PFKFB3: variants seen among roughly 807,000 people sequenced by gnomAD.
PFKFB3 encodes 6-phosphofructo-2-kinase/fructose-2,6-bisphosphatase 3.
PFKFB3 carries 33 observed loss-of-function variants against 68.0 expected under a neutral mutation model. The observed-to-expected ratio is 0.49, with a 90% CI of 0.37 to 0.65. The LOEUF (loss-of-function observed/expected upper bound fraction) is 0.65, where lower values mean the gene tolerates loss of function less well. Among genes scored for constraint, PFKFB3 ranks in the 30% least tolerant of loss-of-function variants. The pLI is 0.00. For synonymous variants in PFKFB3, 315 were observed against 288.2 expected, an observed-to-expected ratio of 1.09 and a Z score of -0.94; for missense variants, 586 against 712.2, an observed-to-expected ratio of 0.82 and a Z score of 2.02.
intron 14 of PFKFB3, among the ~76,000 whole-genome samples, chr10:6,253,993 G>A (rs182917778): frequency 2.0e-5 from 3 of 151,946 alleles, no homozygotes; most frequent in Non-Finnish European, 4.4e-5. Flanking sequence ...GCAGTGAGCC[G>A]AGATCGTACC....
rs560979015 is a variant in PFKFB3 at position 6,202,954 on chromosome 10, G to A, written c.-307G>A. 7.9e-6 allele frequency: 10 copies of A among 1,261,898 alleles called. No homozygotes were observed. In the East Asian group the frequency reaches 3.2e-4, roughly 40 times the overall value. 78.2% of individuals were successfully genotyped at this position (1,261,898 alleles called of 1,614,324 possible). On this transcript the variant is annotated 5_prime_UTR_variant, in exon 1 of 15. Transcript: ENST00000379775. Reference sequence around the variant, plus strand: ...CCCAGCCAAGCCGGAGAGGAGGCGAGCAGCAGGGCCTGGTGGCGAGAGCGC... The same window carrying A: ...CCCAGCCAAGCCGGAGAGGAGGCGAACAGCAGGGCCTGGTGGCGAGAGCGC...
downstream of PFKFB3, among the ~76,000 whole-genome samples, chr10:6,256,336 G>A (rs545869289): frequency 6.6e-6 from 1 of 152,294 alleles, no homozygotes; most frequent in African/African-American, 2.4e-5. Flanking sequence ...AGGACTTGGG[G>A]GGTGTAGGTA....
At chr10:6,167,944 C>T (rs1246707215) in intron 1 of PFKFB3, among the ~76,000 whole-genome samples, 1 of 141,180 alleles carries the variant, frequency 7.1e-6, no homozygotes, top group East Asian at 2.0e-4. Flanking sequence ...TTGCTAAGTC[C>T]CTAGGTCGTT....
intron 1 of PFKFB3, among the ~76,000 whole-genome samples, chr10:6,181,079 G>T (rs964499232): frequency 6.6e-6 from 1 of 152,138 alleles, no homozygotes; most frequent in Non-Finnish European, 1.5e-5. Flanking sequence ...CAGTGGTGCA[G>T]TCATAGTACA....
chr10:6,156,616 C>T lies in PFKFB3; in HGVS notation c.16+11603C>T, dbSNP rs150349709. ...TCTGCCTCCCAGATTTTAAGTGATT[C>T]TCCTGCCTCAGCCTCCCACCACCAC... On this transcript the variant is annotated intron_variant, in intron 1 of 14. Transcript: ENST00000379789. Among the ~76,000 whole-genome samples the T allele has an allele frequency of 9.2e-3, 1,397 of 152,036 alleles. 49 individuals carry two copies. The highest frequency in any genetic ancestry group is 0.062 in the Admixed American group (952 of 15,274).
chr10:6,206,516 C>G (rs1843708353), intron 1 of PFKFB3, among the ~76,000 whole-genome samples: 1 of 134,346 alleles, frequency 7.4e-6, no homozygotes, highest in East Asian at 2.1e-4. Context: ...TCCTCACTTC[C>G]CAGTAGGGGC....
intron 1 of PFKFB3, among the ~76,000 whole-genome samples, chr10:6,189,270 C>T (rs1036372797): frequency 2.6e-5 from 4 of 152,186 alleles, no homozygotes; most frequent in Admixed American, 1.3e-4. Context: ...AATGGGCATA[C>T]GTGTGCACGT....
rs1336920715 is a variant in PFKFB3, at chr10:6,216,798, T to C, written c.441+18T>C. The C allele has an allele frequency of 6.3e-7, 1 of 1,596,568 alleles. No homozygotes were observed. The highest frequency in any genetic ancestry group is 1.7e-5 in the Admixed American group (1 of 59,992). On this transcript the variant is annotated intron_variant, in intron 5 of 14. Transcript: ENST00000379775. ...ACTTTAAGGTGAGCTGAGCGTCTTG[T>C]GTTGTGCTAGAGGGCTCGGGAGAGA...
At chr10:6,200,778 T>C (rs1420781588), upstream of PFKFB3, among the ~76,000 whole-genome samples, 1 of 151,316 alleles carries the variant, frequency 6.6e-6, no homozygotes, top group East Asian at 1.9e-4. Context: ...CCCTCTAGAC[T>C]CGGAACGCGT....
intron 1 of PFKFB3, among the ~76,000 whole-genome samples, chr10:6,157,469 G>A (rs934786080): frequency 2.0e-5 from 3 of 152,042 alleles, no homozygotes; most frequent in African/African-American, 4.8e-5. Flanking sequence ...CTCGTGATCC[G>A]CCCGCCTCGG....
Position 6,229,961 on chromosome 10 carries a change from C to T in PFKFB3, c.1516-2934C>T, listed in dbSNP as rs1564217392. On this transcript the variant is annotated intron_variant, in intron 14 of 14. Transcript: ENST00000379775. This position sits in a 1 kb window ranked among gnomAD's most constrained non-coding sequence, Gnocchi z 4.3. ...CCACCACCCACCTCCTGCTGTGTGG[C>T]CCGCCTCTCAGTGGGCTATGGACTG... is the stretch of plus-strand genomic sequence containing the variant. Among the ~76,000 whole-genome samples, 1 of 152,094 alleles carries T rather than the reference C, an allele frequency of 6.6e-6. No homozygotes were observed. Among genetic ancestry groups the T allele is most frequent in the Non-Finnish European group, 1.5e-5 (1 of 67,976 alleles).
chr10:6,236,254 G>A (rs1247680689), downstream of PFKFB3, among the ~76,000 whole-genome samples: 4 of 152,306 alleles, frequency 2.6e-5, no homozygotes, highest in Non-Finnish European at 4.4e-5. Flanking sequence ...CTTCTTTGCC[G>A]CTCATTGGCT....
chr10:6,284,775 G>A, the PFKFB3 span, among the ~76,000 whole-genome samples: 1 of 151,930 alleles, frequency 6.6e-6, no homozygotes, highest in Non-Finnish European at 1.5e-5. Context: ...TAGCCTCTAT[G>A]TTACATTCTT....
At position 6,203,015 on chromosome 10, in the gene PFKFB3, G is replaced by A; in HGVS notation, c.-246G>A. On this transcript the variant is annotated 5_prime_UTR_variant, in exon 1 of 15. Coordinates refer to ENST00000379775, the MANE Select transcript of PFKFB3 (RefSeq NM_004566.4). ...GCGCCCGAGCATCCCAGAGCTTTCC[G>A]AGCGGACGAGCCGGCCGTGCCGGGC... The A allele has an allele frequency of 7.3e-7, 1 of 1,366,024 alleles. No individual in the cohort carries two copies. The highest frequency in any genetic ancestry group is 9.4e-7 in the Non-Finnish European group (1 of 1,063,484). 84.6% of individuals were successfully genotyped at this position (1,366,024 alleles called of 1,614,324 possible). A position where few individuals can be genotyped will look rare whatever the true frequency, so the allele number is the denominator to read the frequency against.
chr10:6,217,701 A>G (rs1216122452), intron 6 of PFKFB3, among the ~76,000 whole-genome samples: 9 of 152,176 alleles, frequency 5.9e-5, no homozygotes, highest in African/African-American at 2.2e-4. Flanking sequence ...TGTGCTGTGC[A>G]GGGGAGCTTG....
chr10:6,203,403 G>T (rs1843468762), intron 1 of PFKFB3, 67 bp downstream of exon 1: 1 of 1,280,562 alleles, frequency 7.8e-7, no homozygotes, highest in South Asian at 1.4e-5. Flanking sequence ...TGTGTGGGGC[G>T]GCTTTGTGCC....
intron 1 of PFKFB3, among the ~76,000 whole-genome samples, chr10:6,160,036 G>A (rs1348565745): frequency 6.6e-6 from 1 of 151,722 alleles, no homozygotes; most frequent in Non-Finnish European, 1.5e-5. Context: ...TGAGATTACA[G>A]GCATGAGCTA....
chr10:6,258,179 G>T (rs567035641), downstream of PFKFB3, among the ~76,000 whole-genome samples: 1 of 152,204 alleles, frequency 6.6e-6, no homozygotes, highest in Non-Finnish European at 1.5e-5. Flanking sequence ...TATATATTTT[G>T]ATCTTATTTT....
At chr10:6,222,504 G>T (rs1196468489) in intron 10 of PFKFB3, among the ~76,000 whole-genome samples, 29 of 152,112 alleles carry the variant, frequency 1.9e-4, no homozygotes, top group Non-Finnish European at 1.5e-5. Flanking sequence ...AGCCGCTCCC[G>T]CCTGCCCGGC....
Sources: allele counts gnomAD v4.1 joint callset (sites outside exome capture counted in the v4.1 genomes callset), GRCh38; gene constraint gnomAD v4.1.1; non-coding constraint Gnocchi (gnomAD v3.1); transcripts MANE v1.5; gene names NCBI Gene and HGNC (gene_info 2026-07-23, HGNC 2026-07-21).